The following HSF5 variants were observed in gnomAD, a reference collection of about 807,000 sequenced individuals.
The protein encoded by HSF5 is heat shock transcription factor 5, also known as heat shock factor protein 5.
A neutral mutation model predicts 50.8 loss-of-function variants in HSF5; 5 were observed. The observed-to-expected ratio is 0.10, with a 90% CI of 0.05 to 0.21. The LOEUF is 0.21. HSF5 is among the 10% of genes least tolerant of loss of function. HSF5 has a pLI of 1.00. For missense variants in HSF5, 564 were observed against 762.6 expected (o/e 0.74, Z 3.07); for synonymous variants, 307 against 307.4 (o/e 1.00, Z 0.02).
intron 5 of HSF5, among the ~76,000 whole-genome samples, chr17:58,423,261 A>T (rs184598679): frequency 9.8e-5 from 15 of 152,326 alleles, no homozygotes; most frequent in African/African-American, 3.6e-4. Flanking sequence ...TGAACTGTCC[A>T]TAAAAAAGAA....
chr17:58,433,448 C>T (rs544626204), intron 5 of HSF5, among the ~76,000 whole-genome samples: 2 of 152,172 alleles, frequency 1.3e-5, no homozygotes, highest in African/African-American at 2.4e-5. Flanking sequence ...ATACAGATTT[C>T]GGAGACACCA....
intron 4 of HSF5, among the ~76,000 whole-genome samples, chr17:58,460,476 TATACACACACACAC>T (rs1483164069): frequency 8.7e-6 from 1 of 114,742 alleles, no homozygotes; most frequent in Non-Finnish European, 1.8e-5. Context: ...TATACATATA[TATACACACACACAC>T]ACACACACAC....
intron 5 of HSF5, among the ~76,000 whole-genome samples, chr17:58,425,801 C>A (rs1009808738): frequency 6.6e-6 from 1 of 152,048 alleles, no homozygotes. Flanking sequence ...AGCCTCTAAG[C>A]CATTTGGCTA....
intron 5 of HSF5, among the ~76,000 whole-genome samples, chr17:58,440,122 T>C (rs1165198603): frequency 6.6e-6 from 1 of 152,162 alleles, no homozygotes; most frequent in African/African-American, 2.4e-5. Context: ...AATGAGATAG[T>C]AAAGAATGAC....
At chr17:58,426,406 C>A (rs1027735434) in intron 5 of HSF5, among the ~76,000 whole-genome samples, 1 of 152,122 alleles carries the variant, frequency 6.6e-6, no homozygotes, top group Non-Finnish European at 1.5e-5. Context: ...GGTTTATACG[C>A]CTTCACTCAA....
intron 4 of HSF5, among the ~76,000 whole-genome samples, chr17:58,461,255 A>G (rs1229211958): frequency 8.3e-6 from 1 of 120,440 alleles, no homozygotes; most frequent in Admixed American, 8.3e-5. Context: ...CAACAACAAC[A>G]ACAACAAACC....
At chr17:58,479,684 C>T (rs1318697063) in intron 2 of HSF5, among the ~76,000 whole-genome samples, 1 of 152,124 alleles carries the variant, frequency 6.6e-6, no homozygotes, top group African/African-American at 2.4e-5. Context: ...CTTTATACAT[C>T]AACAAAATTT....
chr17:58,487,248 G>A lies in HSF5; in HGVS notation c.550+477C>T, dbSNP rs190545952. 1.3e-3 allele frequency among the ~76,000 whole-genome samples: 201 copies of A among 152,230 alleles called. 1 individual carries two copies. Among genetic ancestry groups the A allele is most frequent in the African/African-American group, 4.6e-3 (192 of 41,534 alleles). On this transcript the variant is annotated intron_variant, in intron 1 of 5. Transcript: ENST00000323777. Reference sequence around the variant, plus strand: ...CTTGACTACGATTTTGTTCCATCCCGCCTTAACCCGTAGGGTGACTCCACT... The same window carrying A: ...CTTGACTACGATTTTGTTCCATCCCACCTTAACCCGTAGGGTGACTCCACT...
At chr17:58,436,832 A>AC (rs900184973) in intron 5 of HSF5, among the ~76,000 whole-genome samples, 10 of 152,120 alleles carry the variant, frequency 6.6e-5, no homozygotes, top group Admixed American at 5.2e-4. Context: ...GAAAAAAAAA[A>AC]CCAACCATAA....
chr17:58,472,325 A>C (rs1481330416), intron 2 of HSF5, among the ~76,000 whole-genome samples: 4 of 151,956 alleles, frequency 2.6e-5, no homozygotes, highest in African/African-American at 9.7e-5. Flanking sequence ...AAAGTGTTTT[A>C]ATTAGCTGGG....
At chr17:58,484,899 T>C (rs2143812851) in intron 1 of HSF5, among the ~76,000 whole-genome samples, 1 of 152,274 alleles carries the variant, frequency 6.6e-6, no homozygotes, top group East Asian at 1.9e-4. Flanking sequence ...ATAGTGTTAT[T>C]TTATTTGTAC....
At chr17:58,469,647 G>GA (rs1444660675) in intron 2 of HSF5, among the ~76,000 whole-genome samples, 2 of 152,068 alleles carry the variant, frequency 1.3e-5, no homozygotes, top group Non-Finnish European at 2.9e-5. Flanking sequence ...CCTAGTATAT[G>GA]AAAAAATAAT....
rs575310918 is a variant in HSF5 at position 58,437,504 on chromosome 17, T to C, written c.1721-15074A>G. On this transcript the variant is annotated intron_variant, in intron 5 of 5. Transcript: ENST00000323777. ...TTCCCGTAATCCTATTATATATACA[T>C]ATACAAATTGAGAAGTTAAGCATAC... Among the ~76,000 whole-genome samples, 4 of 152,306 alleles carry C rather than the reference T, an allele frequency of 2.6e-5. No individual in the cohort carries two copies. In the East Asian group the frequency reaches 7.7e-4, roughly 29 times the overall value.
chr17:58,472,012 C>A (rs1342297060), intron 2 of HSF5, among the ~76,000 whole-genome samples: 6 of 152,028 alleles, frequency 3.9e-5, no homozygotes, highest in Non-Finnish European at 8.8e-5. Flanking sequence ...CGCCACCATG[C>A]CTGGCTAATT....
At chr17:58,467,215 ATTTC>A (rs1974879453) in intron 2 of HSF5, among the ~76,000 whole-genome samples, 2 of 152,302 alleles carry the variant, frequency 1.3e-5, no homozygotes, top group African/African-American at 4.8e-5. Flanking sequence ...TTTATAAATC[ATTTC>A]TTTAACACCT....
chr17:58,424,786 AAAAC>A (rs912279201), intron 5 of HSF5, among the ~76,000 whole-genome samples: 11 of 152,214 alleles, frequency 7.2e-5, no homozygotes, highest in East Asian at 1.9e-4. Context: ...ACCCTGTCTC[AAAAC>A]AAACAAACAA....
At chr17:58,447,345 A>G (rs1974574062) in intron 5 of HSF5, among the ~76,000 whole-genome samples, 1 of 152,188 alleles carries the variant, frequency 6.6e-6, no homozygotes, top group Admixed American at 6.5e-5. Context: ...GACTAAAGTG[A>G]TCTCAGGCCT....
At chr17:58,443,173 T>C (rs1202722222) in intron 5 of HSF5, among the ~76,000 whole-genome samples, 2 of 151,840 alleles carry the variant, frequency 1.3e-5, no homozygotes, top group African/African-American at 4.8e-5. Flanking sequence ...TCCCAAAGTG[T>C]AATTTTTGTA....
intron 2 of HSF5, among the ~76,000 whole-genome samples, chr17:58,478,032 G>C (rs1975040993): frequency 6.6e-6 from 1 of 151,822 alleles, no homozygotes; most frequent in African/African-American, 2.4e-5. Context: ...GGTCTTTTCT[G>C]AAAGCTTTGA....
Sources: allele counts gnomAD v4.1 joint callset (sites outside exome capture counted in the v4.1 genomes callset), GRCh38; gene constraint gnomAD v4.1.1; transcripts MANE v1.5; gene names NCBI Gene and HGNC (gene_info 2026-07-23, HGNC 2026-07-21).